Variants in CYRIB observed in about 807,000 individuals in gnomAD.
CYRIB encodes the protein CYFIP related Rac1 interactor B.
CYRIB carries 8 observed loss-of-function variants against 44.2 expected under a neutral mutation model. The observed-to-expected ratio is 0.18, with a 90% CI of 0.11 to 0.33. The LOEUF (loss-of-function observed/expected upper bound fraction) is 0.33. Ranked by LOEUF, CYRIB falls within the 10% of genes least tolerant of loss-of-function variation. The pLI is 1.00. For missense variants in CYRIB, 185 were observed against 382.8 expected (o/e 0.48, Z 4.31); for synonymous variants, 131 against 127.2 (o/e 1.03, Z -0.20).
At chr8:129,923,157 C>T (rs929118974) in intron 1 of CYRIB, among the ~76,000 whole-genome samples, 8 of 145,982 alleles carry the variant, frequency 5.5e-5, no homozygotes, top group African/African-American at 2.0e-4. Context: ...GCAGAAGAAT[C>T]GCTTGAACCT....
At chr8:129,888,368 A>C (rs780497714) in intron 2 of CYRIB, among the ~76,000 whole-genome samples, 5 of 152,168 alleles carry the variant, frequency 3.3e-5, no homozygotes, top group African/African-American at 4.8e-5. Context: ...TTTCTTTAGA[A>C]ATTACCCAGT....
At chr8:129,861,316 A>T (rs932771107) in intron 5 of CYRIB, among the ~76,000 whole-genome samples, 3 of 152,238 alleles carry the variant, frequency 2.0e-5, no homozygotes, top group African/African-American at 7.2e-5. Context: ...TTGCTTACTC[A>T]TATTGAAGAC....
chr8:129,999,132 G>T (rs894435188), intron 1 of CYRIB, among the ~76,000 whole-genome samples: 2 of 152,106 alleles, frequency 1.3e-5, no homozygotes, highest in African/African-American at 4.8e-5. Context: ...ATAACGTGGG[G>T]GGGGTGGGAC....
chr8:129,907,457 G>T (rs1336479473), intron 1 of CYRIB, among the ~76,000 whole-genome samples: 1 of 151,970 alleles, frequency 6.6e-6, no homozygotes, highest in Non-Finnish European at 1.5e-5. Context: ...GGGGTGGGGG[G>T]AGGTGGGGAT....
intron 11 of CYRIB, among the ~76,000 whole-genome samples, chr8:129,844,681 G>A (rs1324942263): frequency 6.6e-6 from 1 of 152,100 alleles, no homozygotes; most frequent in Non-Finnish European, 1.5e-5. Context: ...CTACAGGAAA[G>A]CATTCAAAAC....
intron 2 of CYRIB, among the ~76,000 whole-genome samples, chr8:129,956,376 G>T (rs1250475234): frequency 6.6e-6 from 1 of 152,116 alleles, no homozygotes. Context: ...ACTAATGCTT[G>T]TGTCCCACCC....
intron 1 of CYRIB, among the ~76,000 whole-genome samples, chr8:129,908,281 C>T (rs1488920248): frequency 1.3e-5 from 2 of 151,800 alleles, no homozygotes; most frequent in Admixed American, 6.6e-5. Context: ...ATATAAATCA[C>T]ATGAAGACAA....
intron 3 of CYRIB, among the ~76,000 whole-genome samples, chr8:129,877,287 T>C (rs2059410697): frequency 6.6e-6 from 1 of 152,222 alleles, no homozygotes. Context: ...ACATTTTATA[T>C]GTATTTCTGC....
At chr8:130,003,058 A>G (rs955832143) in intron 1 of CYRIB, among the ~76,000 whole-genome samples, 2 of 152,234 alleles carry the variant, frequency 1.3e-5, no homozygotes, top group African/African-American at 4.8e-5. Context: ...GAAGAAGCCT[A>G]TGGAATCAAA....
chr8:130,013,396 A>G (rs141080693), intron 1 of CYRIB, among the ~76,000 whole-genome samples: 110 of 152,332 alleles, frequency 7.2e-4, no homozygotes, highest in African/African-American at 2.4e-3. Context: ...TGGGAGACCA[A>G]CGGGGATTCT....
At chr8:129,956,078 A>G (rs1467368241) in intron 2 of CYRIB, among the ~76,000 whole-genome samples, 2 of 152,206 alleles carry the variant, frequency 1.3e-5, no homozygotes, top group Non-Finnish European at 2.9e-5. Flanking sequence ...TGTGGCTTAC[A>G]TAAGTTTGAA....
chr8:129,991,962 A>C (rs1316877391), intron 1 of CYRIB, among the ~76,000 whole-genome samples: 3 of 148,536 alleles, frequency 2.0e-5, no homozygotes, highest in Admixed American at 6.8e-5. Flanking sequence ...AAAAAAAAAA[A>C]AAAAAAAAAA....
At chr8:130,008,507 G>C (rs2097154302) in intron 1 of CYRIB, 1 of 154,214 alleles carries the variant, frequency 6.5e-6, no homozygotes. Context: ...ACATGTGTGG[G>C]GTGACTGTGG....
chr8:129,896,448 G>C (rs1028814157), intron 2 of CYRIB, among the ~76,000 whole-genome samples: 1 of 152,208 alleles, frequency 6.6e-6, no homozygotes, highest in Admixed American at 6.5e-5. Context: ...GGCCTGGACA[G>C]CAATGATATT....
At chr8:129,842,321 C>T (rs2036757703) in intron 11 of CYRIB, 116 bp from the exon 14 acceptor site, 1 of 716,990 alleles carries the variant, frequency 1.4e-6, no homozygotes, top group Non-Finnish European at 2.4e-6. Context: ...AAAATTATGG[C>T]TTCTCATTGT....
chr8:129,979,171 A>T (rs2096094877), intron 1 of CYRIB, among the ~76,000 whole-genome samples: 1 of 152,054 alleles, frequency 6.6e-6, no homozygotes, highest in Non-Finnish European at 1.5e-5. Flanking sequence ...TTAATTAATT[A>T]AATAAATAAT....
intron 1 of CYRIB, among the ~76,000 whole-genome samples, chr8:129,990,464 G>A (rs1031139680): frequency 6.6e-6 from 1 of 150,496 alleles, no homozygotes. Context: ...ACAATACGGT[G>A]TGTGTGTGTG....
chr8:129,985,782 C>T (rs1279177896), intron 1 of CYRIB, among the ~76,000 whole-genome samples: 1 of 152,186 alleles, frequency 6.6e-6, no homozygotes, highest in Non-Finnish European at 1.5e-5. Context: ...CAGTCCACCT[C>T]CACAACAAAT....
intron 1 of CYRIB, among the ~76,000 whole-genome samples, chr8:129,914,577 C>A (rs1357961419): frequency 6.6e-6 from 1 of 152,154 alleles, no homozygotes; most frequent in Non-Finnish European, 1.5e-5. Context: ...AAGAAGAAAC[C>A]AGGCACAGTT....
Sources: gnomAD v4.1 joint callset for allele counts (sites outside exome capture counted in the v4.1 genomes callset) on GRCh38, gnomAD v4.1.1 for gene constraint, MANE v1.5 for transcripts, NCBI Gene and HGNC (gene_info 2026-07-23, HGNC 2026-07-21) for gene names.